AK8: variants seen among roughly 807,000 people sequenced by gnomAD.
The protein encoded by AK8 is adenylate kinase 8.
Under a neutral mutation model 54.6 loss-of-function variants are expected in AK8, and 44 were observed. That is an observed-to-expected ratio of 0.81 (90% CI 0.63 to 1.04). AK8 has a LOEUF of 1.04. AK8 is among the 50% of genes least tolerant of loss of function. The pLI is 0.00. For missense variants in AK8, 555 were observed against 613.6 expected, an observed-to-expected ratio of 0.90 and a Z score of 1.01; for synonymous variants, 239 against 245.6, an observed-to-expected ratio of 0.97 and a Z score of 0.25.
At chr9:132,858,344 C>T (rs922904760) in intron 4 of AK8, among the ~76,000 whole-genome samples, 1 of 152,234 alleles carries the variant, frequency 6.6e-6, no homozygotes, top group African/African-American at 2.4e-5. Flanking sequence ...CCAACCCTGG[C>T]TCTGCCCCTG....
intron 2 of AK8, among the ~76,000 whole-genome samples, chr9:132,873,584 T>G (rs1843951354): frequency 6.6e-6 from 1 of 152,256 alleles, no homozygotes; most frequent in South Asian, 2.1e-4. Flanking sequence ...TTACTTTGTG[T>G]TTCCTTTTGC....
chr9:132,849,473 C>A (rs1026995435), intron 5 of AK8, among the ~76,000 whole-genome samples: 2 of 152,168 alleles, frequency 1.3e-5, no homozygotes, highest in Non-Finnish European at 2.9e-5. Flanking sequence ...GAGTGTCTCT[C>A]CATCCTTTTC....
At chr9:132,823,694 A>C (rs900125551) in intron 8 of AK8, among the ~76,000 whole-genome samples, 1 of 152,234 alleles carries the variant, frequency 6.6e-6, no homozygotes, top group Non-Finnish European at 1.5e-5. Flanking sequence ...CACTCTCTAT[A>C]GGGCTGGTGG....
Position 132,757,215 on chromosome 9 carries a change from G to A in AK8, c.1122-29681C>T, listed in dbSNP as rs564273066. 3.9e-5 allele frequency among the ~76,000 whole-genome samples: 6 copies of A among 152,254 alleles called. No individual in the cohort carries two copies. The East Asian group carries it at 7.7e-4, about 20-fold the overall frequency. ...GGACCTGGTGATTCCCACCGTTAGC[G>A]GGAGAGAAGCTTCCACAGCTCACCG... On this transcript the variant is annotated intron_variant, in intron 11 of 12. Transcript: ENST00000298545.
chr9:132,802,329 G>A (rs1042869131), intron 10 of AK8, among the ~76,000 whole-genome samples: 1 of 152,194 alleles, frequency 6.6e-6, no homozygotes, highest in Non-Finnish European at 1.5e-5. Flanking sequence ...GGGCGGGAGG[G>A]GGGCGGTGTC....
chr9:132,847,647 G>A (rs998760260), intron 5 of AK8, among the ~76,000 whole-genome samples: 3 of 152,116 alleles, frequency 2.0e-5, no homozygotes, highest in Admixed American at 2.0e-4. Context: ...AATTTGATGA[G>A]TAGCTATCAT....
At chr9:132,825,132 T>C (rs889801451) in intron 8 of AK8, among the ~76,000 whole-genome samples, 1 of 152,228 alleles carries the variant, frequency 6.6e-6, no homozygotes, top group African/African-American at 2.4e-5. Flanking sequence ...GCAGCCTGCT[T>C]ACAAATGATG....
chr9:132,786,182 C>T (rs1182291214), intron 11 of AK8, among the ~76,000 whole-genome samples: 1 of 152,192 alleles, frequency 6.6e-6, no homozygotes, highest in Non-Finnish European at 1.5e-5. Flanking sequence ...CACCTGGGAA[C>T]TGGTGGCTAA....
At position 132,787,751 on chromosome 9, in the gene AK8, A is replaced by G. The variant is rs115907563; in HGVS notation, c.1121+4883T>C. Among the ~76,000 whole-genome samples, 849 of 152,324 alleles carry G rather than the reference A, an allele frequency of 5.6e-3. 7 individuals are homozygous for G. Among genetic ancestry groups the G allele is most frequent in the African/African-American group, 0.019 (783 of 41,564 alleles). On this transcript the variant is annotated intron_variant, in intron 11 of 12. Coordinates refer to ENST00000298545, the MANE Select transcript of AK8 (RefSeq NM_152572.3). ...CCCAAAATGATTGTTGTGTACAGGC[A>G]TAAAGGGTGACTTCTTCAATTTAGA... is the stretch of plus-strand genomic sequence containing the variant.
chr9:132,740,964 G>T (rs938645388), intron 11 of AK8, among the ~76,000 whole-genome samples: 5 of 152,094 alleles, frequency 3.3e-5, no homozygotes, highest in African/African-American at 4.8e-5. Context: ...GGTGGGCCTG[G>T]GGGTCCTATC....
At chr9:132,748,658 G>T (rs527645046) in intron 11 of AK8, among the ~76,000 whole-genome samples, 2 of 151,834 alleles carry the variant, frequency 1.3e-5, no homozygotes, top group Non-Finnish European at 1.5e-5. Flanking sequence ...CTTTTACCAC[G>T]TGTGTTTAGA....
intron 11 of AK8, among the ~76,000 whole-genome samples, chr9:132,736,299 G>A (rs2130956841): frequency 6.7e-6 from 1 of 150,014 alleles, no homozygotes; most frequent in East Asian, 2.0e-4. Context: ...CAATTCTCCT[G>A]CCTCAGCCTC....
intron 11 of AK8, among the ~76,000 whole-genome samples, chr9:132,736,167 C>T (rs111732778): frequency 0.016 from 2,388 of 149,490 alleles, 60 homozygotes; most frequent in African/African-American, 0.055. Context: ...ACTGTACATA[C>T]GATGAAATAC....
chr9:132,759,105 A>G (rs1838330428), intron 11 of AK8, among the ~76,000 whole-genome samples: 1 of 149,030 alleles, frequency 6.7e-6, no homozygotes, highest in Non-Finnish European at 1.5e-5. Flanking sequence ...CCAAGGTGGG[A>G]GGACTGCTTG....
chr9:132,825,166 G>A (rs1329394315), intron 8 of AK8, among the ~76,000 whole-genome samples: 2 of 152,280 alleles, frequency 1.3e-5, no homozygotes, highest in Middle Eastern at 3.4e-3. Flanking sequence ...AAATAACTAA[G>A]TTAATTAGAA....
At position 132,852,543 on chromosome 9, in the gene AK8, G is replaced by T. The variant is rs142967334; in HGVS notation, c.402+2314C>A. Among the ~76,000 whole-genome samples the T allele has an allele frequency of 9.7e-4, 147 of 151,688 alleles. 4 individuals are homozygous for T. The East Asian group carries it at 0.024, about 25-fold the overall frequency. On this transcript the variant is annotated intron_variant, in intron 5 of 12. Transcript: ENST00000298545. ...GAGAATAGCTTGAACCTGGGAAGCGGAGGTTGCAGTGAGCTGAGATCGCAC... is the reference window on the plus strand; with the variant it reads ...GAGAATAGCTTGAACCTGGGAAGCGTAGGTTGCAGTGAGCTGAGATCGCAC...
chr9:132,771,964 G>A (rs79442054), intron 11 of AK8, among the ~76,000 whole-genome samples: 5,884 of 152,230 alleles, frequency 0.039, 370 homozygotes, highest in African/African-American at 0.13. Context: ...CAGGCAAAGC[G>A]AGAGAACTTG....
chr9:132,822,951 A>C (rs1440666445), intron 9 of AK8, among the ~76,000 whole-genome samples: 3 of 152,206 alleles, frequency 2.0e-5, no homozygotes, highest in Non-Finnish European at 4.4e-5. Flanking sequence ...ACGATGACTG[A>C]AAAATGTTCT....
chr9:132,778,686 G>A (rs1051359038), intron 11 of AK8, among the ~76,000 whole-genome samples: 2 of 152,018 alleles, frequency 1.3e-5, no homozygotes, highest in African/African-American at 4.8e-5. Context: ...ATCAAATTAG[G>A]GAGCTCTGGC....
Sources: gnomAD v4.1 joint callset for allele counts (sites outside exome capture counted in the v4.1 genomes callset) on GRCh38, gnomAD v4.1.1 for gene constraint, MANE v1.5 for transcripts, NCBI Gene and HGNC (gene_info 2026-07-23, HGNC 2026-07-21) for gene names.